Variants in BCL2L14 observed in about 807,000 individuals in gnomAD.
The protein encoded by BCL2L14 is BCL2 like 14, also known as apoptosis facilitator Bcl-2-like protein 14.
A neutral mutation model predicts 35.3 loss-of-function variants in BCL2L14; 27 were observed. The ratio of observed to expected loss-of-function variants is 0.76; its 90% CI spans 0.56 to 1.05. BCL2L14 has a LOEUF of 1.05. Among genes scored for constraint, BCL2L14 ranks in the 50% least tolerant of loss-of-function variants. The probability of loss-of-function intolerance (pLI) is 0.00; values close to 1 mark genes in which losing one functional copy is unlikely to be tolerated. For missense variants in BCL2L14, 377 were observed against 382.6 expected (o/e 0.99, Z 0.12); for synonymous variants, 139 against 145.9 (o/e 0.95, Z 0.34).
At chr12:12,060,092 C>G (rs192533621) in intron 2 of BCL2L14, among the ~76,000 whole-genome samples, 3 of 151,682 alleles carry the variant, frequency 2.0e-5, no homozygotes, top group Middle Eastern at 3.4e-3. Context: ...CTCGCCAGGC[C>G]GAGCTAGGTC....
upstream of BCL2L14, among the ~76,000 whole-genome samples, chr12:12,068,562 T>C (rs78972269): frequency 0.01 from 1,586 of 152,200 alleles, 32 homozygotes; most frequent in African/African-American, 0.036. Context: ...GCCACCATGC[T>C]ATGTTGTCTG....
chr12:12,095,114 AAT>A (rs1437279313), intron 5 of BCL2L14, 184 bp downstream of exon 5: 16 of 985,266 alleles, frequency 1.6e-5, no homozygotes, highest in Non-Finnish European at 1.9e-5. Context: ...CTTCATCATC[AAT>A]AAATATTTAC....
intron 2 of BCL2L14, among the ~76,000 whole-genome samples, chr12:12,063,299 G>T (rs1300019672): frequency 3.3e-5 from 5 of 151,034 alleles, no homozygotes; most frequent in African/African-American, 4.9e-5. Flanking sequence ...ATCTTTGCTG[G>T]CAGGACTATG....
At chr12:12,065,815 G>A (rs1054381230) in intron 2 of BCL2L14, among the ~76,000 whole-genome samples, 4 of 149,546 alleles carry the variant, frequency 2.7e-5, no homozygotes, top group East Asian at 2.0e-4. Flanking sequence ...TTTTTGAGGC[G>A]AAGTCTCGCT....
In BCL2L14 at chr12:12,087,401, C is replaced by T. The variant is rs1949071718; in HGVS notation, c.607+15C>T. On this transcript the variant is annotated intron_variant, in intron 3 of 5. Coordinates refer to ENST00000308721, the MANE Select transcript of BCL2L14 (RefSeq NM_138723.2). ...TTCTAAGAAAGGTAAGCTTTCCTTCCCTGGGTGGAGTGTTTGCCAGGCAGG... is the reference window on the plus strand; with the variant it reads ...TTCTAAGAAAGGTAAGCTTTCCTTCTCTGGGTGGAGTGTTTGCCAGGCAGG... 6.2e-7 allele frequency: 1 copy of T among 1,612,826 alleles called. No homozygotes were observed. The highest frequency in any genetic ancestry group is 1.1e-5 in the South Asian group (1 of 90,962).
intron 3 of BCL2L14, 88 bp from the exon 4 acceptor site, chr12:12,090,691 C>T: frequency 1.0e-6 from 1 of 991,368 alleles, no homozygotes. Flanking sequence ...CCAGCCCTTA[C>T]CAAGCCACAA....
intron 2 of BCL2L14, among the ~76,000 whole-genome samples, chr12:12,053,038 A>G (rs149489944): frequency 6.6e-6 from 1 of 152,182 alleles, no homozygotes; most frequent in Non-Finnish European, 1.5e-5. Flanking sequence ...CCTTGGGGAC[A>G]TGGACAGTGT....
In BCL2L14 at chr12:12,087,167, T is replaced by C. The variant is rs1323152612; in HGVS notation, c.434-46T>C. The C allele has an allele frequency of 3.1e-6, 5 of 1,594,724 alleles. No homozygotes were observed. In the South Asian group the frequency reaches 5.6e-5, roughly 18 times the overall value. On this transcript the variant is annotated intron_variant, in intron 2 of 5. Transcript: ENST00000308721. ...CAACTTTGCATACCAATGAGCCAGA[T>C]GAAGTTCTGGGAAGGGCCTCTCAGC...
In BCL2L14 at chr12:12,059,095, C is replaced by T. The variant is rs568484079; in HGVS notation, c.-272+7248C>T. On this transcript the variant is annotated intron_variant, in intron 2 of 3. Coordinates refer to the BCL2L14 transcript ENST00000461264. The stretch of plus-strand genomic sequence containing the variant: ...CGTTTTATCCGTAGACCCAAAACTC[C>T]GGTGCCGGTCACGGACTGGGAATGC... Among the ~76,000 whole-genome samples the T allele has an allele frequency of 3.5e-4, 53 of 152,316 alleles. 1 individual carries two copies. The highest frequency in any genetic ancestry group is 5.3e-4 in the Non-Finnish European group (36 of 68,032).
intron 2 of BCL2L14, chr12:12,055,059 A>G (rs1948411438): frequency 6.6e-6 from 1 of 152,210 alleles, no homozygotes; most frequent in Non-Finnish European, 1.5e-5. Flanking sequence ...AGAGTCATAA[A>G]CAGTTAGAGA....
intron 2 of BCL2L14, among the ~76,000 whole-genome samples, 155 bp from the exon 3 acceptor site, chr12:12,087,058 G>T (rs1393791333): frequency 1.3e-5 from 2 of 152,138 alleles, no homozygotes; most frequent in African/African-American, 4.8e-5. Flanking sequence ...GCAACTTTCA[G>T]TCCTTTCTGA....
chr12:12,069,438 G>A (rs184456936), upstream of BCL2L14, among the ~76,000 whole-genome samples: 167 of 152,122 alleles, frequency 1.1e-3, 4 homozygotes, highest in South Asian at 3.1e-3. Context: ...GGTGGCTCAC[G>A]CCTGTAATCC....
chr12:12,050,432 CAAA>C (rs774928633), intron 1 of BCL2L14, among the ~76,000 whole-genome samples: 1 of 70,110 alleles, frequency 1.4e-5, no homozygotes, highest in African/African-American at 4.4e-5. Flanking sequence ...GACACCATCT[CAAA>C]AAAAAAAAAA....
intron 1 of BCL2L14, among the ~76,000 whole-genome samples, chr12:12,076,306 C>T (rs1466637815): frequency 2.6e-5 from 4 of 152,012 alleles, no homozygotes; most frequent in South Asian, 2.1e-4. Context: ...GAGACACTGA[C>T]GTGACTCCTT....
chr12:12,071,702 C>T (rs1296792015), intron 1 of BCL2L14: 1 of 152,242 alleles, frequency 6.6e-6, no homozygotes, highest in Non-Finnish European at 1.5e-5. Flanking sequence ...TAGAAAGCTC[C>T]CTCCTCCCTG....
At chr12:12,063,720 C>T (rs1454734229) in intron 2 of BCL2L14, among the ~76,000 whole-genome samples, 2 of 152,142 alleles carry the variant, frequency 1.3e-5, no homozygotes, top group Non-Finnish European at 2.9e-5. Context: ...ATCATATCCC[C>T]GTGACCTGCA....
At chr12:12,059,429 C>A (rs1025843195) in intron 2 of BCL2L14, among the ~76,000 whole-genome samples, 5 of 151,868 alleles carry the variant, frequency 3.3e-5, no homozygotes, top group African/African-American at 9.7e-5. Context: ...ATTTCTGCAC[C>A]CTGACCTCAT....
chr12:12,059,467 G>T (rs967290182), intron 2 of BCL2L14, among the ~76,000 whole-genome samples: 8 of 151,142 alleles, frequency 5.3e-5, no homozygotes, highest in African/African-American at 1.2e-4. Flanking sequence ...CCTTATTTCT[G>T]CACCCCAACC....
At chr12:12,059,696 T>A (rs1391716402) in intron 2 of BCL2L14, among the ~76,000 whole-genome samples, 2 of 152,052 alleles carry the variant, frequency 1.3e-5, no homozygotes, top group African/African-American at 4.8e-5. Context: ...CATTCCTCCT[T>A]CTTCTTCCTT....
Sources: gnomAD v4.1 joint callset for allele counts (sites outside exome capture counted in the v4.1 genomes callset) on GRCh38, gnomAD v4.1.1 for gene constraint, MANE v1.5 for transcripts, NCBI Gene and HGNC (gene_info 2026-07-23, HGNC 2026-07-21) for gene names.